The following TMEM269 variants were observed in gnomAD, a reference collection of about 807,000 sequenced individuals.
TMEM269 encodes the protein transmembrane protein 269.
A neutral mutation model predicts 15.8 loss-of-function variants in TMEM269; 12 were observed. The observed-to-expected ratio is 0.76, with a 90% confidence interval of 0.49 to 1.23. TMEM269 has a LOEUF of 1.23. TMEM269 is among the 50% of genes most tolerant of loss of function. TMEM269 has a pLI of 0.00. For missense variants in TMEM269, 211 were observed against 245.4 expected (o/e 0.86, Z 0.94); for synonymous variants, 93 against 99.3 (o/e 0.94, Z 0.38).
At chr1:42,792,774 C>T in intron 2 of TMEM269, 31 bp from the exon 3 acceptor site, 1 of 1,452,438 alleles carries the variant, frequency 6.9e-7, no homozygotes, top group Non-Finnish European at 9.5e-7. Context: ...GAAAGTGCTT[C>T]CCTGTTTGGG....
At chr1:42,794,637 C>T in intron 5 of TMEM269, 24 bp downstream of exon 5, 1 of 1,505,998 alleles carries the variant, frequency 6.6e-7, no homozygotes, top group South Asian at 1.2e-5. Context: ...TCACTATGGC[C>T]AGTTTGTTAT....
rs144603613 is a variant in TMEM269 at position 42,786,693 on chromosome 1, C to T, written c.-99+1611C>T. Among the ~76,000 whole-genome samples the T allele has an allele frequency of 3.6e-3, 549 of 152,296 alleles. 2 individuals carry two copies. Among genetic ancestry groups the T allele is most frequent in the African/African-American group, 0.013 (521 of 41,566 alleles). ...CCTTTTCGGTGCTCCATTAGTAGCC[C>T]GGTCGCCTCTTTTCTGTGCAGGGTT... On this transcript the variant is annotated intron_variant, in intron 1 of 5. Transcript: ENST00000637012.
chr1:42,787,311 C>T (rs560414141), intron 1 of TMEM269, among the ~76,000 whole-genome samples: 2 of 152,242 alleles, frequency 1.3e-5, no homozygotes, highest in African/African-American at 2.4e-5. Flanking sequence ...GGACAAGAAC[C>T]CTTGCCTGGC....
In TMEM269 at chr1:42,788,274, T is replaced by G. The variant is rs1653581465; in HGVS notation, c.-98-1522T>G. On this transcript the variant is annotated intron_variant, in intron 1 of 5. Coordinates refer to ENST00000637012, the MANE Select transcript of TMEM269 (RefSeq NM_001354602.2). This position sits in a 1 kb window ranked among gnomAD's most constrained non-coding sequence, Gnocchi z 4.0. Reference sequence around the variant, plus strand: ...ATGGAGGCAGAGCTGGAGGTGAGATTAATCCTCACATCTGAAATGGGTGAG... The same window carrying G: ...ATGGAGGCAGAGCTGGAGGTGAGATGAATCCTCACATCTGAAATGGGTGAG... Among the ~76,000 whole-genome samples, 3 of 152,178 alleles carry G rather than the reference T, an allele frequency of 2.0e-5. No homozygotes were observed.
intron 3 of TMEM269, 32 bp from the exon 4 acceptor site, chr1:42,793,569 A>G (rs1325476094): frequency 1.0e-5 from 16 of 1,537,918 alleles, no homozygotes; most frequent in African/African-American, 1.4e-5. Context: ...GTGGGAGTAT[A>G]AGTTCTTCTA....
chr1:42,794,642 T>TCACC (rs1557593123), intron 5 of TMEM269, 29 bp downstream of exon 5: 1 of 1,489,566 alleles, frequency 6.7e-7, no homozygotes, highest in Non-Finnish European at 9.2e-7. Flanking sequence ...ATGGCCAGTT[T>TCACC]GTTATCACAG....
Position 42,794,393 on chromosome 1 carries a change from T to A in TMEM269, c.284-20T>A. On this transcript the variant is annotated intron_variant, in intron 4 of 5. Transcript: ENST00000637012. ...TTAGAGCAGAGGGAAGCAGCTAATC[T>A]CCAGCGTTCTTCCTGGCAGGAGTCC... 1 of 1,541,978 alleles carries A rather than the reference T, an allele frequency of 6.5e-7. No homozygotes were observed. Among genetic ancestry groups the A allele is most frequent in the Non-Finnish European group, 8.8e-7 (1 of 1,139,408 alleles).
chr1:42,798,193 G>C lies in TMEM269; in HGVS notation c.580G>C (p.Gly194Arg), dbSNP rs1191030489. 1 of 1,548,498 alleles carries C rather than the reference G, an allele frequency of 6.5e-7. No homozygotes were observed. The highest frequency in any genetic ancestry group is 8.7e-7 in the Non-Finnish European group (1 of 1,147,032). Residue 194 changes from glycine (G) to arginine (R), a missense_variant, in exon 6 of 6, where the codon GGC becomes CGC. Gly to Arg is a moderately radical substitution (Grantham distance 125, BLOSUM62 -2). Transcript: ENST00000637012. ...SYIFFPDALW[G>R]KAACLSPQH ...CATCTTCTTTCCAGATGCTCTGTGG[G>C]GCAAGGCAGCCTGTCTTTCGCCACA... is the stretch of plus-strand genomic sequence containing the variant.
rs1653644217 is a variant in TMEM269, at chr1:42,789,626, C to T, written c.-98-170C>T. 7 of 960,848 alleles carry T rather than the reference C, an allele frequency of 7.3e-6. No homozygotes were observed. In the Admixed American group the frequency reaches 1.5e-4, roughly 20 times the overall value. The allele number at this position is 960,848 out of a possible 1,614,324, so 59.5% of individuals were successfully genotyped here. ...GCTGGATCCTCAGCACCTTTGTCTT[C>T]ACCTCCTGAGTCTCCTTCATCTACC... On this transcript the variant is annotated intron_variant, in intron 1 of 5. Coordinates refer to ENST00000637012, the MANE Select transcript of TMEM269 (RefSeq NM_001354602.2).
intron 4 of TMEM269, 63 bp from the exon 5 acceptor site, chr1:42,794,350 T>C: frequency 2.4e-6 from 3 of 1,261,456 alleles, no homozygotes; most frequent in Non-Finnish European, 3.4e-6. Flanking sequence ...GAGAGGGGCT[T>C]GCTTCATTTT....
At chr1:42,795,218 A>G (rs1557593301) in intron 5 of TMEM269, among the ~76,000 whole-genome samples, 1 of 152,166 alleles carries the variant, frequency 6.6e-6, no homozygotes, top group Non-Finnish European at 1.5e-5. Context: ...AGGTTCAGGC[A>G]GAGGAACAGT....
Position 42,788,953 on chromosome 1 carries a change from A to T in TMEM269, c.-98-843A>T, listed in dbSNP as rs1248328007. On this transcript the variant is annotated intron_variant, in intron 1 of 5. Coordinates refer to ENST00000637012, the MANE Select transcript of TMEM269 (RefSeq NM_001354602.2). The surrounding 1 kb of genome is among the most constrained non-coding windows in gnomAD (Gnocchi z 4.0). ...TTTTTTTTTTTTTAGACAGAGTCTC[A>T]CTCGGTCACCCAGGCTGGAGTGCAG... Among the ~76,000 whole-genome samples the T allele has an allele frequency of 6.9e-6, 1 of 144,398 alleles. No individual in the cohort carries two copies. The highest frequency in any genetic ancestry group is 2.6e-5 in the African/African-American group (1 of 38,732). 94.7% of individuals were successfully genotyped at this position (144,398 alleles called of 152,430 possible).
intron 3 of TMEM269, among the ~76,000 whole-genome samples, 154 bp from the exon 4 acceptor site, chr1:42,793,447 G>C (rs748242114): frequency 4.6e-5 from 7 of 152,164 alleles, no homozygotes; most frequent in Non-Finnish European, 1.0e-4. Context: ...AGGAGATCCC[G>C]AGCTTTGATC....
chr1:42,799,641 G>A lies in TMEM269; in HGVS notation c.*1416G>A, dbSNP rs1259816993. ...CCTGACACTCAGAAATGTTCCCTTTGTATATGAATTGATTTAGTTGTGGAT... is the reference window on the plus strand; with the variant it reads ...CCTGACACTCAGAAATGTTCCCTTTATATATGAATTGATTTAGTTGTGGAT... On this transcript the variant is annotated 3_prime_UTR_variant, in exon 6 of 6. Coordinates refer to ENST00000637012, the MANE Select transcript of TMEM269 (RefSeq NM_001354602.2). The A allele has an allele frequency of 6.6e-6, 1 of 152,128 alleles. No individual in the cohort carries two copies. The highest frequency in any genetic ancestry group is 1.5e-5 in the Non-Finnish European group (1 of 68,034). 9.4% of individuals were successfully genotyped at this position (152,128 alleles called of 1,614,324 possible).
intron 1 of TMEM269, among the ~76,000 whole-genome samples, chr1:42,786,115 G>A (rs887322858): frequency 8.5e-5 from 13 of 152,228 alleles, no homozygotes; most frequent in African/African-American, 3.1e-4. Context: ...ACTGTTGAGC[G>A]TTCATCTGAG....
At chr1:42,785,513 C>T (rs577581532) in intron 1 of TMEM269, among the ~76,000 whole-genome samples, 1 of 152,336 alleles carries the variant, frequency 6.6e-6, no homozygotes, top group South Asian at 2.1e-4. Context: ...TCCTCGCCCC[C>T]ACCCCCGTCT....
rs2760080 is a variant in TMEM269 at position 42,795,059 on chromosome 1, G to T, written c.484+446G>T. On this transcript the variant is annotated intron_variant, in intron 5 of 5. Coordinates refer to ENST00000637012, the MANE Select transcript of TMEM269 (RefSeq NM_001354602.2). ...CTAGAAACATGTAGGTTTACTGTAT[G>T]TATTATGTAAGTGCAGGGTGCTCTG... Among the ~76,000 whole-genome samples the T allele has an allele frequency of 3.6e-3, 549 of 152,312 alleles. 6 individuals carry two copies. Among genetic ancestry groups the T allele is most frequent in the South Asian group, 0.032 (156 of 4,820 alleles).
chr1:42,789,221 C>G (rs1653603478), intron 1 of TMEM269: 1 of 573,356 alleles, frequency 1.7e-6, no homozygotes, highest in Non-Finnish European at 3.1e-6. Flanking sequence ...CCGTGTCCGG[C>G]TACACATTCA....
At position 42,788,922 on chromosome 1, in the gene TMEM269, CT is replaced by C. The variant is rs540411407; in HGVS notation, c.-98-856del. Among the ~76,000 whole-genome samples the C allele has an allele frequency of 3.5e-3, 484 of 136,810 alleles. 1 individual carries two copies. The highest frequency in any genetic ancestry group is 5.2e-3 in the African/African-American group (193 of 37,342). 89.8% of individuals were successfully genotyped at this position (136,810 alleles called of 152,430 possible). A position where few individuals can be genotyped will look rare whatever the true frequency, so the allele number is the denominator to read the frequency against. On this transcript the variant is annotated intron_variant, in intron 1 of 5. Coordinates refer to ENST00000637012, the MANE Select transcript of TMEM269 (RefSeq NM_001354602.2). The surrounding 1 kb of genome is among the most constrained non-coding windows in gnomAD (Gnocchi z 4.0). ...TTTGTGAACTATTCAGTGTTGTACA[CT>C]TTTTTTTTTTTTTTTTTAGACAGAG...
Sources: gnomAD v4.1 joint callset for allele counts (sites outside exome capture counted in the v4.1 genomes callset) on GRCh38, gnomAD v4.1.1 for gene constraint, Gnocchi (gnomAD v3.1) non-coding constraint, MANE v1.5 for transcripts, NCBI Gene and HGNC (gene_info 2026-07-23, HGNC 2026-07-21) for gene names.